SLC35D4: variants seen among roughly 807,000 people sequenced by gnomAD.
The protein encoded by SLC35D4 is UDP-N-acetylglucosamine transporter SLC35D4.
At chr18:23,370,623 T>G in the SLC35D4 span, among the ~76,000 whole-genome samples, 109 of 152,308 alleles carry the variant, frequency 7.2e-4, 2 homozygotes, top group East Asian at 0.02. Context: ...TTCTGAGCTG[T>G]GTTAATAGTC....
At chr18:23,402,087 C>A in the SLC35D4 span, among the ~76,000 whole-genome samples, 1 of 152,172 alleles carries the variant, frequency 6.6e-6, no homozygotes, top group Non-Finnish European at 1.5e-5. Flanking sequence ...ACACTCATGG[C>A]ACTTCAGACA....
chr18:23,288,498 C>A, the SLC35D4 span, among the ~76,000 whole-genome samples: 344 of 152,134 alleles, frequency 2.3e-3, no homozygotes, highest in Non-Finnish European at 3.9e-3. Context: ...TTCTACTACT[C>A]CTCAAGGATT....
chr18:23,337,083 T>C, the SLC35D4 span, among the ~76,000 whole-genome samples: 2 of 152,074 alleles, frequency 1.3e-5, no homozygotes, highest in Non-Finnish European at 1.5e-5. Flanking sequence ...GAGATTTGTT[T>C]ACTTGTCACC....
At chr18:23,369,415 A>G in the SLC35D4 span, among the ~76,000 whole-genome samples, 3 of 152,190 alleles carry the variant, frequency 2.0e-5, no homozygotes, top group Admixed American at 1.3e-4. Flanking sequence ...TTTCTCATTT[A>G]CATTCACCAA....
chr18:23,378,995 G>C, the SLC35D4 span, among the ~76,000 whole-genome samples: 1 of 152,194 alleles, frequency 6.6e-6, no homozygotes, highest in Non-Finnish European at 1.5e-5. Context: ...CACAGGACGC[G>C]AGGCCAACCG....
At chr18:23,274,836 T>A in the SLC35D4 span, among the ~76,000 whole-genome samples, 3 of 152,216 alleles carry the variant, frequency 2.0e-5, no homozygotes, top group African/African-American at 7.2e-5. Context: ...CATCTTTAAC[T>A]TAGGCCTGGA....
At chr18:23,355,781 G>C in the SLC35D4 span, among the ~76,000 whole-genome samples, 2 of 152,044 alleles carry the variant, frequency 1.3e-5, no homozygotes, top group African/African-American at 4.8e-5. Flanking sequence ...TAGTCAACCT[G>C]AGTAGATCAT....
the SLC35D4 span, among the ~76,000 whole-genome samples, chr18:23,364,472 CA>C: frequency 6.6e-6 from 1 of 152,196 alleles, no homozygotes; most frequent in African/African-American, 2.4e-5. Flanking sequence ...ATGCCACACA[CA>C]GACATTATTG....
chr18:23,312,624 A>G, the SLC35D4 span, among the ~76,000 whole-genome samples: 3 of 151,934 alleles, frequency 2.0e-5, no homozygotes, highest in Non-Finnish European at 4.4e-5. Context: ...TACAGGCAAG[A>G]CTCCTCTGAA....
the SLC35D4 span, among the ~76,000 whole-genome samples, chr18:23,311,340 G>A: frequency 1.3e-5 from 2 of 150,898 alleles, no homozygotes; most frequent in African/African-American, 2.4e-5. Flanking sequence ...AATCCCACCC[G>A]CCTTGGCCTC....
the SLC35D4 span, among the ~76,000 whole-genome samples, chr18:23,334,656 A>T: frequency 2.1e-3 from 313 of 152,316 alleles, 2 homozygotes; most frequent in African/African-American, 7.4e-3. Flanking sequence ...AAACATCTTT[A>T]TCTAAAGAAC....
chr18:23,371,935 G>GTTTTTTTTGTTTTTTTTTTTTTTTTTTTT, the SLC35D4 span, among the ~76,000 whole-genome samples: 5 of 35,480 alleles, frequency 1.4e-4, no homozygotes, highest in South Asian at 1.5e-3. Context: ...TGTTTTTTTT[G>GTTTTTTTTGTTTTTTTTTTTTTTTTTTTT]TTTTTTTTTT....
chr18:23,357,320 C>G, the SLC35D4 span, among the ~76,000 whole-genome samples: 1 of 152,106 alleles, frequency 6.6e-6, no homozygotes, highest in African/African-American at 2.4e-5. Flanking sequence ...TAAGTTCATT[C>G]TTTTAGTTCC....
chr18:23,371,557 A>G, the SLC35D4 span: 3 of 1,091,182 alleles, frequency 2.7e-6, no homozygotes, highest in Admixed American at 2.5e-5. Context: ...CCTGTCATCA[A>G]TGCTCAGTGC....
chr18:23,330,184 C>A, the SLC35D4 span, among the ~76,000 whole-genome samples: 1 of 151,658 alleles, frequency 6.6e-6, no homozygotes, highest in East Asian at 1.9e-4. Context: ...TACCCTAGAA[C>A]CTAAAGTATA....
At chr18:23,278,266 G>T in the SLC35D4 span, among the ~76,000 whole-genome samples, 1 of 152,302 alleles carries the variant, frequency 6.6e-6, no homozygotes, top group Middle Eastern at 3.4e-3. Flanking sequence ...CCCAGAAGGC[G>T]CCTGGAAGGG....
chr18:23,320,074 AAAGCAT>A, the SLC35D4 span, among the ~76,000 whole-genome samples: 6 of 9,130 alleles, frequency 6.6e-4, no homozygotes, highest in South Asian at 0.019. Flanking sequence ...TCAGCCAGCA[AAAGCAT>A]CCCTTCAAAT....
the SLC35D4 span, among the ~76,000 whole-genome samples, chr18:23,420,380 A>G: frequency 6.6e-6 from 1 of 152,046 alleles, no homozygotes; most frequent in South Asian, 2.1e-4. Context: ...TTCTATAGGT[A>G]GGAATTTTTT....
the SLC35D4 span, among the ~76,000 whole-genome samples, chr18:23,331,844 T>C: frequency 6.6e-6 from 1 of 151,844 alleles, no homozygotes; most frequent in African/African-American, 2.4e-5. Flanking sequence ...AGTTAGGTGC[T>C]ATTATGAATA....
Sources: gnomAD v4.1 joint callset for allele counts (sites outside exome capture counted in the v4.1 genomes callset) on GRCh38, gnomAD v4.1.1 for gene constraint, MANE v1.5 for transcripts, NCBI Gene and HGNC (gene_info 2026-07-23, HGNC 2026-07-21) for gene names.